FSTL1: variants seen among roughly 807,000 people sequenced by gnomAD.
FSTL1 encodes follistatin-related protein 1.
Under a neutral mutation model 45.9 loss-of-function variants are expected in FSTL1, and 24 were observed. The observed-to-expected ratio is 0.52, with a 90% CI of 0.38 to 0.74. The LOEUF (loss-of-function observed/expected upper bound fraction) is 0.74. Among genes scored for constraint, FSTL1 ranks in the 30% least tolerant of loss-of-function variants. The pLI is 0.00. For synonymous variants in FSTL1, 120 were observed against 137.6 expected (o/e 0.87, Z 0.89); for missense variants, 340 against 381.8 (o/e 0.89, Z 0.91).
intron 3 of FSTL1, among the ~76,000 whole-genome samples, chr3:120,412,832 G>GCACACA (rs1451579944): frequency 3.9e-5 from 5 of 128,538 alleles, no homozygotes; most frequent in East Asian, 7.5e-4. Flanking sequence ...GCGCGCGCGC[G>GCACACA]CGCGCGCACA....
intron 2 of FSTL1, among the ~76,000 whole-genome samples, chr3:120,429,102 C>T (rs550866393): frequency 1.7e-4 from 26 of 152,366 alleles, no homozygotes; most frequent in Middle Eastern, 3.4e-3. Flanking sequence ...ATGGCTGGCT[C>T]CTCCAGCTTG....
At chr3:120,397,358 G>A (rs1236896245) in intron 10 of FSTL1, among the ~76,000 whole-genome samples, 1 of 152,218 alleles carries the variant, frequency 6.6e-6, no homozygotes, top group Non-Finnish European at 1.5e-5. Context: ...ACAGGTTCTG[G>A]AGGCAGACTG....
At chr3:120,404,379 T>C (rs1164284357) in intron 7 of FSTL1, among the ~76,000 whole-genome samples, 1 of 152,268 alleles carries the variant, frequency 6.6e-6, no homozygotes, top group Non-Finnish European at 1.5e-5. Context: ...GATTAGTTTT[T>C]ATTAATATTG....
intron 2 of FSTL1, among the ~76,000 whole-genome samples, chr3:120,434,081 G>C (rs1298274093): frequency 6.6e-6 from 1 of 152,162 alleles, no homozygotes; most frequent in Non-Finnish European, 1.5e-5. Context: ...CAGGTCGCAG[G>C]AGAGAGAAAG....
intron 2 of FSTL1, among the ~76,000 whole-genome samples, chr3:120,431,599 G>A (rs1021782289): frequency 3.3e-5 from 5 of 151,994 alleles, no homozygotes; most frequent in Non-Finnish European, 5.9e-5. Flanking sequence ...AAGGCGAGAC[G>A]ATTCCTTGAG....
intron 5 of FSTL1, 131 bp from the exon 6 acceptor site, chr3:120,409,793 T>C: frequency 1.4e-6 from 1 of 713,482 alleles, no homozygotes; most frequent in Non-Finnish European, 2.3e-6. Context: ...GGAGATAGGA[T>C]TAGCACATCC....
chr3:120,427,528 C>A (rs1221431565), intron 2 of FSTL1, among the ~76,000 whole-genome samples: 2 of 152,178 alleles, frequency 1.3e-5, no homozygotes, highest in Non-Finnish European at 2.9e-5. Flanking sequence ...AACTCCTTTC[C>A]TGGGGCTGCT....
chr3:120,447,291 C>G (rs1482566612), intron 2 of FSTL1, among the ~76,000 whole-genome samples: 1 of 152,314 alleles, frequency 6.6e-6, no homozygotes, highest in East Asian at 1.9e-4. Context: ...CAGGCTCACA[C>G]AGTCCTCTCC....
chr3:120,424,032 C>G (rs1267834081), intron 2 of FSTL1: 2 of 152,024 alleles, frequency 1.3e-5, no homozygotes, highest in Non-Finnish European at 2.9e-5. Context: ...CAGTAATGGC[C>G]AAGGAAAATG....
At position 120,393,883 on chromosome 3, in the gene FSTL1, T is replaced by C. The variant is rs1268504031; in HGVS notation, c.*3069A>G. ...TGTGGGGATGCATCAAAAAGGTGCA[T>C]TCTTTGAAGCAGGCAAGCTTCAACA... On this transcript the variant is annotated 3_prime_UTR_variant, in exon 11 of 11. Transcript: ENST00000295633. The C allele has an allele frequency of 6.6e-6, 1 of 152,172 alleles. No homozygotes were observed. The highest frequency in any genetic ancestry group is 1.5e-5 in the Non-Finnish European group (1 of 68,030). 9.4% of individuals were successfully genotyped at this position (152,172 alleles called of 1,614,324 possible). A position where few individuals can be genotyped will look rare whatever the true frequency, so the allele number is the denominator to read the frequency against.
At chr3:120,432,671 C>A (rs1937499183) in intron 2 of FSTL1, among the ~76,000 whole-genome samples, 1 of 152,320 alleles carries the variant, frequency 6.6e-6, no homozygotes, top group Admixed American at 6.5e-5. Flanking sequence ...GCTCTGGTAT[C>A]CTTCATTTTA....
intron 2 of FSTL1, among the ~76,000 whole-genome samples, chr3:120,429,864 T>C (rs1261469654): frequency 6.6e-6 from 1 of 152,154 alleles, no homozygotes; most frequent in Non-Finnish European, 1.5e-5. Flanking sequence ...CATTTCACAC[T>C]TTGTCACCTA....
rs144175320 is a variant in FSTL1, at chr3:120,415,971, C to A, written c.120G>T (p.Arg40=). The change falls in exon 3 of 11, where the codon CGG becomes CGT. Residue 40 remains arginine, a synonymous_variant. Coordinates refer to ENST00000295633, the MANE Select transcript of FSTL1 (RefSeq NM_007085.5). ...CCCCTTTCTCTGTGACTGCACATTC[C>A]CGGCCGGCTCCACAAAACACATTGG... ...ICANVFCGAG[R]ECAVTEKGEP... 4.0e-5 allele frequency: 64 copies of A among 1,613,924 alleles called. No individual in the cohort carries two copies. Among genetic ancestry groups the A allele is most frequent in the Non-Finnish European group, 4.9e-5 (58 of 1,179,928 alleles).
intron 3 of FSTL1, among the ~76,000 whole-genome samples, chr3:120,414,580 C>T (rs1421323545): frequency 2.6e-5 from 4 of 152,076 alleles, no homozygotes; most frequent in South Asian, 2.1e-4. Context: ...ATTGAGAAAT[C>T]GGATGGTTGC....
intron 2 of FSTL1, among the ~76,000 whole-genome samples, chr3:120,429,593 T>C (rs1937442725): frequency 6.6e-6 from 1 of 152,176 alleles, no homozygotes; most frequent in African/African-American, 2.4e-5. Context: ...GGGACTGGAT[T>C]TTCAAGGGGG....
intron 2 of FSTL1, among the ~76,000 whole-genome samples, chr3:120,433,033 A>G (rs934278577): frequency 1.3e-5 from 2 of 152,268 alleles, no homozygotes; most frequent in African/African-American, 4.8e-5. Context: ...AGGATCCAAA[A>G]AAGTAAAGGC....
chr3:120,414,475 C>T (rs1156442557), intron 3 of FSTL1, among the ~76,000 whole-genome samples: 1 of 152,042 alleles, frequency 6.6e-6, no homozygotes, highest in East Asian at 1.9e-4. Context: ...CGGCCACCAC[C>T]CCGTCTGGGA....
intron 3 of FSTL1, among the ~76,000 whole-genome samples, chr3:120,412,619 C>T (rs1271350444): frequency 6.6e-6 from 1 of 152,056 alleles, no homozygotes; most frequent in African/African-American, 2.4e-5. Flanking sequence ...ACAAAGACAC[C>T]CCCCACATCA....
intron 2 of FSTL1, among the ~76,000 whole-genome samples, chr3:120,424,871 G>A (rs1383522331): frequency 3.9e-5 from 6 of 152,218 alleles, no homozygotes; most frequent in African/African-American, 4.8e-5. Context: ...TTATGGACGC[G>A]TCTCAAGGAC....
Sources: allele counts gnomAD v4.1 joint callset (sites outside exome capture counted in the v4.1 genomes callset), GRCh38; gene constraint gnomAD v4.1.1; transcripts MANE v1.5; gene names NCBI Gene and HGNC (gene_info 2026-07-23, HGNC 2026-07-21).